Variants in ZC3H12B observed in about 807,000 individuals in gnomAD.
ZC3H12B encodes probable ribonuclease ZC3H12B.
ZC3H12B carries 7 observed loss-of-function variants against 43.9 expected under a neutral mutation model. The ratio of observed to expected loss-of-function variants is 0.16; its 90% CI spans 0.09 to 0.30. ZC3H12B has a LOEUF of 0.30. Ranked by LOEUF, ZC3H12B falls within the 10% of genes least tolerant of loss-of-function variation. The pLI, the probability that ZC3H12B is intolerant of heterozygous loss-of-function variation, is 1.00. For synonymous variants in ZC3H12B, 222 were observed against 241.7 expected, an observed-to-expected ratio of 0.92 and a Z score of 0.76; for missense variants, 475 against 670.2, an observed-to-expected ratio of 0.71 and a Z score of 3.22.
chrX:65,298,224 G>C, the ZC3H12B span, among the ~76,000 whole-genome samples: 1 of 111,863 alleles, frequency 8.9e-6, no homozygotes, highest in Admixed American at 9.4e-5. Flanking sequence ...CCCACAGAGT[G>C]AGAAAATCTT....
chrX:65,433,808 C>T (rs922630588), intron 3 of ZC3H12B, among the ~76,000 whole-genome samples: 8 of 111,856 alleles, frequency 7.2e-5, no homozygotes, highest in African/African-American at 2.6e-4. Context: ...TCATGAGGAG[C>T]TGGCCTACCC....
the ZC3H12B span, among the ~76,000 whole-genome samples, chrX:65,222,691 C>T: frequency 0.15 from 15,558 of 106,629 alleles, 2,723 homozygotes; most frequent in African/African-American, 0.49. Context: ...TGTGAAAGAC[C>T]TCTACATGGA....
chrX:65,181,894 A>G, the ZC3H12B span, among the ~76,000 whole-genome samples: 1 of 111,943 alleles, frequency 8.9e-6, no homozygotes, highest in Non-Finnish European at 1.9e-5. Context: ...CAGCAATCTC[A>G]TTACTGTGTA....
chrX:65,460,860 G>T, intron 3 of ZC3H12B, among the ~76,000 whole-genome samples: 1 of 111,318 alleles, frequency 9.0e-6, no homozygotes. Flanking sequence ...TTGATAAATG[G>T]GATCTAATTA....
the ZC3H12B span, among the ~76,000 whole-genome samples, chrX:65,105,749 C>A: frequency 3.6e-5 from 4 of 111,309 alleles, no homozygotes; most frequent in African/African-American, 1.3e-4. Flanking sequence ...CATGTGGTGT[C>A]ATGTGAGCAG....
At chrX:65,389,370 C>T (rs1166234564) in intron 2 of ZC3H12B, among the ~76,000 whole-genome samples, 2 of 112,383 alleles carry the variant, frequency 1.8e-5, no homozygotes. Flanking sequence ...TGCCACCTTG[C>T]AGTTTAATCT....
At chrX:65,348,853 C>CATCAAGATTCATAGAG in the ZC3H12B span, among the ~76,000 whole-genome samples, 1 of 111,339 alleles carries the variant, frequency 9.0e-6, no homozygotes, top group Non-Finnish European at 1.9e-5. Flanking sequence ...AATACAGGAG[C>CATCAAGATTCATAGAG]ATCAAGATTC....
chrX:65,135,020 T>C, the ZC3H12B span, among the ~76,000 whole-genome samples: 1 of 111,111 alleles, frequency 9.0e-6, no homozygotes, highest in Non-Finnish European at 1.9e-5. Context: ...TTGTGATTCT[T>C]CACTTGCTTT....
chrX:65,250,794 T>C, the ZC3H12B span, among the ~76,000 whole-genome samples: 1 of 112,055 alleles, frequency 8.9e-6, no homozygotes, highest in Admixed American at 9.4e-5. Context: ...GTTTGTTTTT[T>C]TCTTGTAAAT....
the ZC3H12B span, among the ~76,000 whole-genome samples, chrX:65,308,580 G>GAGAA: frequency 9.0e-6 from 1 of 111,326 alleles, no homozygotes; most frequent in Non-Finnish European, 1.9e-5. Context: ...ACAGATCAAT[G>GAGAA]AGAAACAAGG....
intron 3 of ZC3H12B, among the ~76,000 whole-genome samples, chrX:65,401,050 G>T (rs765932766): frequency 9.4e-6 from 1 of 106,029 alleles, no homozygotes; most frequent in African/African-American, 3.5e-5. Flanking sequence ...TGTCACCCTC[G>T]CAAGGACATC....
exon 5 of ZC3H12B, chrX:65,503,079 A>G: frequency 1.7e-6 from 2 of 1,211,521 alleles, no homozygotes; most frequent in Non-Finnish European, 1.1e-6. Flanking sequence ...CACCAGTATC[A>G]GACCTACAAG....
At chrX:65,215,051 A>C in the ZC3H12B span, among the ~76,000 whole-genome samples, 61 of 111,268 alleles carry the variant, frequency 5.5e-4, no homozygotes, top group Non-Finnish European at 8.7e-4. Context: ...GGTCCCAAAA[A>C]CGGGCTTAAT....
the ZC3H12B span, among the ~76,000 whole-genome samples, chrX:65,159,518 C>T: frequency 9.0e-6 from 1 of 110,664 alleles, no homozygotes; most frequent in Non-Finnish European, 1.9e-5. Flanking sequence ...ATTTTATTCT[C>T]TTTGAAGCAA....
chrX:65,442,672 A>G (rs1436981479), intron 3 of ZC3H12B, among the ~76,000 whole-genome samples: 1 of 112,456 alleles, frequency 8.9e-6, no homozygotes, highest in Non-Finnish European at 1.9e-5. Context: ...TGTCCCAGTC[A>G]GTAGGAATTA....
At chrX:65,211,733 AAT>A in the ZC3H12B span, among the ~76,000 whole-genome samples, 56 of 86,039 alleles carry the variant, frequency 6.5e-4, no homozygotes, top group African/African-American at 2.2e-3. Context: ...TTTATGTAAT[AAT>A]ATATATATTA....
chrX:65,153,496 C>T, the ZC3H12B span, among the ~76,000 whole-genome samples: 1 of 112,326 alleles, frequency 8.9e-6, no homozygotes, highest in Non-Finnish European at 1.9e-5. Flanking sequence ...CCATCACTGG[C>T]CATCAGAGAA....
the ZC3H12B span, among the ~76,000 whole-genome samples, chrX:65,353,220 A>T: frequency 4.1e-4 from 46 of 111,375 alleles, no homozygotes; most frequent in Non-Finnish European, 7.5e-4. Flanking sequence ...GCACCCATAT[A>T]CGACAGGGTA....
intron 2 of ZC3H12B, among the ~76,000 whole-genome samples, chrX:65,379,619 A>C (rs1402913471): frequency 1.8e-5 from 2 of 112,672 alleles, no homozygotes; most frequent in Non-Finnish European, 3.7e-5. Context: ...ATGACTTTGA[A>C]GAGCTGAGAG....
Sources: allele counts gnomAD v4.1 joint callset (sites outside exome capture counted in the v4.1 genomes callset), GRCh38; gene constraint gnomAD v4.1.1; transcripts MANE v1.5; gene names NCBI Gene and HGNC (gene_info 2026-07-23, HGNC 2026-07-21).